NKAIN2: variants seen among roughly 807,000 people sequenced by gnomAD.
NKAIN2 encodes sodium/potassium-transporting ATPase subunit beta-1-interacting protein 2.
In NKAIN2, 14 loss-of-function variants were observed where a neutral mutation model predicts 32.6. That is an observed-to-expected ratio of 0.43 (90% CI 0.28 to 0.67). The LOEUF (loss-of-function observed/expected upper bound fraction) is 0.67, where lower values mean the gene tolerates loss of function less well. Among genes scored for constraint, NKAIN2 ranks in the 30% least tolerant of loss-of-function variants. The pLI, the probability that NKAIN2 is intolerant of heterozygous loss-of-function variation, is 0.17. For missense variants in NKAIN2, 198 were observed against 258.3 expected (o/e 0.77, Z 1.60); for synonymous variants, 80 against 87.2 (o/e 0.92, Z 0.46).
intron 1 of NKAIN2, among the ~76,000 whole-genome samples, chr6:124,268,626 A>T (rs985706628): frequency 3.3e-5 from 5 of 152,038 alleles, no homozygotes; most frequent in African/African-American, 1.2e-4. Flanking sequence ...AAATGATATG[A>T]TGAGTTCATG....
At chr6:124,250,129 A>C (rs1448499505) in intron 1 of NKAIN2, among the ~76,000 whole-genome samples, 1 of 152,116 alleles carries the variant, frequency 6.6e-6, no homozygotes, top group Non-Finnish European at 1.5e-5. Flanking sequence ...TGCTGTTTCC[A>C]CCATGTGAGA....
intron 4 of NKAIN2, among the ~76,000 whole-genome samples, chr6:124,692,540 G>A (rs952150122): frequency 1.3e-5 from 2 of 152,138 alleles, no homozygotes; most frequent in African/African-American, 4.8e-5. Flanking sequence ...ATGAGGGCCG[G>A]GTGCGGTGGT....
chr6:124,415,856 T>TA (rs1774439774), intron 3 of NKAIN2, among the ~76,000 whole-genome samples: 1 of 150,078 alleles, frequency 6.7e-6, no homozygotes, highest in African/African-American at 2.4e-5. Flanking sequence ...TGCTTTTTTT[T>TA]TTAATTTGCT....
rs1288089593 is a variant in NKAIN2, at chr6:124,092,791, T to G, written c.55-190214T>G. 6.6e-5 allele frequency among the ~76,000 whole-genome samples: 10 copies of G among 152,122 alleles called. No homozygotes were observed. The East Asian group carries it at 1.9e-3, about 29-fold the overall frequency. On this transcript the variant is annotated intron_variant, in intron 1 of 6. Transcript: ENST00000368417. ...ATATTCTTGGCTTACCAGAGTAAAT[T>G]ATCAAGAACTAGATAGAACTGAAAA...
chr6:124,204,409 A>G (rs1021127468), intron 1 of NKAIN2, among the ~76,000 whole-genome samples: 4 of 151,804 alleles, frequency 2.6e-5, no homozygotes, highest in African/African-American at 9.7e-5. Context: ...GACACTTTTG[A>G]TGACTCACTT....
chr6:124,070,639 T>G (rs1187488138), intron 1 of NKAIN2, among the ~76,000 whole-genome samples: 1 of 152,134 alleles, frequency 6.6e-6, no homozygotes, highest in African/African-American at 2.4e-5. Context: ...TTTCTCCAGT[T>G]TATTCTGACT....
At chr6:124,428,073 C>T (rs2114554875) in intron 3 of NKAIN2, among the ~76,000 whole-genome samples, 1 of 152,162 alleles carries the variant, frequency 6.6e-6, no homozygotes, top group Middle Eastern at 3.4e-3. Flanking sequence ...CTCTTTAGCT[C>T]AGCAGAATAT....
chr6:124,564,539 G>A (rs746891425), intron 3 of NKAIN2, among the ~76,000 whole-genome samples: 11 of 152,254 alleles, frequency 7.2e-5, no homozygotes, highest in Non-Finnish European at 1.6e-4. Context: ...CCCATTACAC[G>A]GAAGCTTTGC....
intron 1 of NKAIN2, among the ~76,000 whole-genome samples, chr6:124,188,890 C>A (rs796977070): frequency 6.6e-5 from 10 of 152,238 alleles, no homozygotes; most frequent in African/African-American, 2.4e-4. Context: ...ATCTCTTAAG[C>A]TTTATTCTGA....
chr6:124,430,301 A>G (rs1041566816), intron 3 of NKAIN2, among the ~76,000 whole-genome samples: 1 of 152,222 alleles, frequency 6.6e-6, no homozygotes, highest in Non-Finnish European at 1.5e-5. Flanking sequence ...CACTTTGTGC[A>G]TATGAGCACA....
At position 124,673,104 on chromosome 6, in the gene NKAIN2, T is replaced by C. The variant is rs563834121; in HGVS notation, c.474+14718T>C. 4.6e-5 allele frequency among the ~76,000 whole-genome samples: 7 copies of C among 152,232 alleles called. No individual in the cohort carries two copies. The East Asian group carries it at 1.4e-3, about 29-fold the overall frequency. ...TACTCTCTGCTTCTGTGAGTCTCAC[T>C]ACTTTAGATAACTCTTGTTAAGTGG... On this transcript the variant is annotated intron_variant, in intron 4 of 6. Coordinates refer to ENST00000368417, the MANE Select transcript of NKAIN2 (RefSeq NM_001040214.3).
At position 124,731,712 on chromosome 6, in the gene NKAIN2, A is replaced by T. The variant is rs187462993; in HGVS notation, c.475-59627A>T. On this transcript the variant is annotated intron_variant, in intron 4 of 6. Coordinates refer to ENST00000368417, the MANE Select transcript of NKAIN2 (RefSeq NM_001040214.3). The stretch of plus-strand genomic sequence containing the variant: ...TACCCTAAAACTTAAGGTATAATTT[A>T]AAAAAAAAAAGAATGTGGAAGTTTC... Among the ~76,000 whole-genome samples, 311 of 146,542 alleles carry T rather than the reference A, an allele frequency of 2.1e-3. 1 individual carries two copies. Among genetic ancestry groups the T allele is most frequent in the African/African-American group, 5.9e-3 (236 of 40,052 alleles).
chr6:124,549,065 A>G (rs1780195710), intron 3 of NKAIN2, among the ~76,000 whole-genome samples: 1 of 152,100 alleles, frequency 6.6e-6, no homozygotes, highest in African/African-American at 2.4e-5. Flanking sequence ...AGGAGAAATG[A>G]GGTCAAAGGT....
chr6:124,118,202 T>C (rs924855697), intron 1 of NKAIN2, among the ~76,000 whole-genome samples: 1 of 152,180 alleles, frequency 6.6e-6, no homozygotes, highest in Non-Finnish European at 1.5e-5. Context: ...ACTGATACTC[T>C]CATTTATTTA....
At position 124,286,617 on chromosome 6, in the gene NKAIN2, C is replaced by G. The variant is rs571084077; in HGVS notation, c.192+3475C>G. ...TTAGAATTTTTCGTATGTTCATTAC[C>G]CATTTTTGTTTTCTGTTTGGAAAAT... On this transcript the variant is annotated intron_variant, in intron 2 of 6. Transcript: ENST00000368417. 2.9e-3 allele frequency among the ~76,000 whole-genome samples: 425 copies of G among 149,032 alleles called. 6 individuals carry two copies. The highest frequency in any genetic ancestry group is 0.01 in the African/African-American group (419 of 40,236).
At chr6:124,315,418 A>AT (rs36100576) in intron 2 of NKAIN2, among the ~76,000 whole-genome samples, 4 of 151,280 alleles carry the variant, frequency 2.6e-5, no homozygotes, top group Admixed American at 6.6e-5. Context: ...AAAAAGAGCA[A>AT]TTTTTTTAGG....
chr6:124,310,261 T>C (rs77841349), intron 2 of NKAIN2, among the ~76,000 whole-genome samples: 1 of 152,160 alleles, frequency 6.6e-6, no homozygotes, highest in African/African-American at 2.4e-5. Context: ...GATTTTTTTT[T>C]GTAATTTTAT....
At chr6:124,599,565 G>A (rs561688705) in intron 3 of NKAIN2, among the ~76,000 whole-genome samples, 11 of 152,268 alleles carry the variant, frequency 7.2e-5, no homozygotes, top group Admixed American at 7.2e-4. Flanking sequence ...CTTGTACCCT[G>A]AGTACCCTTC....
At chr6:124,612,193 T>TAGATTTA (rs1782716425) in intron 3 of NKAIN2, among the ~76,000 whole-genome samples, 1 of 149,732 alleles carries the variant, frequency 6.7e-6, no homozygotes, top group Non-Finnish European at 1.5e-5. Flanking sequence ...GTTTTTGGAA[T>TAGATTTA]AGAAAAAAAT....
Sources: gnomAD v4.1 joint callset for allele counts (sites outside exome capture counted in the v4.1 genomes callset) on GRCh38, gnomAD v4.1.1 for gene constraint, MANE v1.5 for transcripts, NCBI Gene and HGNC (gene_info 2026-07-23, HGNC 2026-07-21) for gene names.